GLIS3: variants seen among roughly 807,000 people sequenced by gnomAD.
GLIS3 encodes the protein GLIS family zinc finger 3.
In GLIS3, 53 loss-of-function variants were observed where a neutral mutation model predicts 78.6. The observed-to-expected ratio is 0.67, with a 90% CI of 0.54 to 0.85. The LOEUF is 0.85. Ranked by LOEUF, GLIS3 falls within the 40% of genes least tolerant of loss-of-function variation. The probability of loss-of-function intolerance (pLI) is 0.00; values close to 1 mark genes in which losing one functional copy is unlikely to be tolerated. For missense variants in GLIS3, 1,703 were observed against 1,231.1 expected (o/e 1.38, Z -5.74); for synonymous variants, 684 against 509.9 (o/e 1.34, Z -4.60).
chr9:3,980,445 A>C (rs1406420045), intron 4 of GLIS3, among the ~76,000 whole-genome samples: 5 of 152,184 alleles, frequency 3.3e-5, no homozygotes, highest in Non-Finnish European at 5.9e-5. Context: ...AGCCAGACAT[A>C]CCAGCAGGCT....
At chr9:4,028,505 G>A (rs555906453) in intron 4 of GLIS3, among the ~76,000 whole-genome samples, 2 of 152,038 alleles carry the variant, frequency 1.3e-5, no homozygotes, top group Non-Finnish European at 2.9e-5. Context: ...GGTTATTGAG[G>A]TATAACATTC....
intron 2 of GLIS3, among the ~76,000 whole-genome samples, chr9:4,188,652 T>C (rs1162947101): frequency 1.3e-5 from 2 of 152,240 alleles, no homozygotes; most frequent in Non-Finnish European, 2.9e-5. Flanking sequence ...GGTAAGCTAC[T>C]GATTATTGCC....
chr9:4,059,499 C>G (rs776539729), intron 4 of GLIS3, among the ~76,000 whole-genome samples: 1 of 152,160 alleles, frequency 6.6e-6, no homozygotes, highest in Non-Finnish European at 1.5e-5. Flanking sequence ...GTGGAAAAAC[C>G]ACAAATACCT....
intron 10 of GLIS3, 145 bp from the exon 11 acceptor site, chr9:3,828,553 T>C (rs1817857501): frequency 6.9e-6 from 7 of 1,014,154 alleles, no homozygotes; most frequent in South Asian, 1.4e-5. Context: ...AGTGAGTCTC[T>C]GTTTCCAGCG....
intron 2 of GLIS3, among the ~76,000 whole-genome samples, chr9:4,249,070 C>T (rs1035026160): frequency 6.6e-6 from 1 of 152,130 alleles, no homozygotes; most frequent in Non-Finnish European, 1.5e-5. Flanking sequence ...CATGATGTCT[C>T]CAGCTTTGTC....
At chr9:4,417,183 T>C in the GLIS3 span, among the ~76,000 whole-genome samples, 1 of 152,252 alleles carries the variant, frequency 6.6e-6, no homozygotes, top group African/African-American at 2.4e-5. Flanking sequence ...GTATCGATTA[T>C]TTATATAGTG....
chr9:4,421,288 A>C, the GLIS3 span, among the ~76,000 whole-genome samples: 13 of 152,322 alleles, frequency 8.5e-5, no homozygotes, highest in South Asian at 2.7e-3. Context: ...GGGTCCATCC[A>C]AGACAATTCA....
At chr9:4,463,343 TA>T in the GLIS3 span, among the ~76,000 whole-genome samples, 2 of 152,186 alleles carry the variant, frequency 1.3e-5, no homozygotes, top group Admixed American at 6.5e-5. Flanking sequence ...GAGAAAGCAT[TA>T]AACTATTCTT....
chr9:3,835,069 A>G (rs1411884451), intron 9 of GLIS3, among the ~76,000 whole-genome samples: 1 of 152,216 alleles, frequency 6.6e-6, no homozygotes, highest in Non-Finnish European at 1.5e-5. Context: ...GATTAATACC[A>G]TCAGCCTACA....
At chr9:3,857,253 G>T (rs1371234710) in intron 8 of GLIS3, among the ~76,000 whole-genome samples, 1 of 152,114 alleles carries the variant, frequency 6.6e-6, no homozygotes. Flanking sequence ...CTTACACTGT[G>T]TAGAAAGACA....
the GLIS3 span, among the ~76,000 whole-genome samples, chr9:4,437,472 A>ATC: frequency 7.8e-6 from 1 of 128,648 alleles, no homozygotes; most frequent in South Asian, 2.5e-4. Context: ...ATCTATCTAT[A>ATC]TATCATTTAA....
chr9:4,268,756 G>C (rs1826237677), intron 2 of GLIS3, among the ~76,000 whole-genome samples: 1 of 152,072 alleles, frequency 6.6e-6, no homozygotes, highest in African/African-American at 2.4e-5. Context: ...GAGTTACTAG[G>C]AGACCAGTTT....
chr9:4,282,129 C>G (rs1827615752), intron 2 of GLIS3, among the ~76,000 whole-genome samples: 1 of 152,188 alleles, frequency 6.6e-6, no homozygotes, highest in Non-Finnish European at 1.5e-5. Flanking sequence ...GCAACTTAAC[C>G]TTTCTCCGTA....
At chr9:4,240,182 G>A (rs1461231665) in intron 2 of GLIS3, among the ~76,000 whole-genome samples, 1 of 35,422 alleles carries the variant, frequency 2.8e-5, no homozygotes, top group Non-Finnish European at 6.4e-5. Context: ...TTTTTCCACA[G>A]ATGTGGGGGA....
chr9:4,181,559 C>G (rs1374117714), intron 2 of GLIS3, among the ~76,000 whole-genome samples: 2 of 152,222 alleles, frequency 1.3e-5, no homozygotes, highest in Admixed American at 6.5e-5. Context: ...ATTTTCCCAC[C>G]AAGCCCAGCC....
the GLIS3 span, among the ~76,000 whole-genome samples, chr9:4,464,960 A>T: frequency 1.3e-5 from 2 of 152,226 alleles, no homozygotes; most frequent in Admixed American, 6.5e-5. Context: ...AGTATAGTGT[A>T]TTCCTCTAAG....
At chr9:4,065,022 G>C (rs1021381738) in intron 4 of GLIS3, among the ~76,000 whole-genome samples, 1 of 152,116 alleles carries the variant, frequency 6.6e-6, no homozygotes, top group African/African-American at 2.4e-5. Context: ...TAATTTTTTA[G>C]AAAAGGGAAA....
At chr9:4,357,856 T>C in the GLIS3 span, among the ~76,000 whole-genome samples, 3 of 152,230 alleles carry the variant, frequency 2.0e-5, no homozygotes, top group East Asian at 3.8e-4. Context: ...TCTGTGTCAA[T>C]GGTGCCTCTG....
chr9:3,998,980 C>G (rs1441313585), intron 4 of GLIS3, among the ~76,000 whole-genome samples: 2 of 151,828 alleles, frequency 1.3e-5, no homozygotes, highest in South Asian at 4.2e-4. Context: ...AAGACATAAG[C>G]ACATGCATAC....
Sources: allele counts gnomAD v4.1 joint callset (sites outside exome capture counted in the v4.1 genomes callset), GRCh38; gene constraint gnomAD v4.1.1; transcripts MANE v1.5; gene names NCBI Gene and HGNC (gene_info 2026-07-23, HGNC 2026-07-21).